RECK: variants seen among roughly 807,000 people sequenced by gnomAD.
The protein encoded by RECK is reversion-inducing cysteine-rich protein with Kazal motifs.
In RECK, 69 loss-of-function variants were observed where a neutral mutation model predicts 115.1. The ratio of observed to expected loss-of-function variants is 0.60; its 90% CI spans 0.49 to 0.73. The LOEUF is 0.73. RECK is among the 30% of genes least tolerant of loss of function. The pLI is 0.00. For missense variants in RECK, 1,047 were observed against 1,203.7 expected, an observed-to-expected ratio of 0.87 and a Z score of 1.93; for synonymous variants, 414 against 419.7, an observed-to-expected ratio of 0.99 and a Z score of 0.17.
At chr9:36,078,434 C>T (rs903192513) in intron 6 of RECK, among the ~76,000 whole-genome samples, 1 of 152,220 alleles carries the variant, frequency 6.6e-6, no homozygotes, top group African/African-American at 2.4e-5. Context: ...TCAGTCTTGG[C>T]ACCACTGGCA....
intron 18 of RECK, 91 bp from the exon 19 acceptor site, chr9:36,120,572 C>A: frequency 9.4e-7 from 1 of 1,061,914 alleles, no homozygotes; most frequent in Non-Finnish European, 1.4e-6. Flanking sequence ...AACTCTCCTG[C>A]CCAAAATGAA....
intron 7 of RECK, among the ~76,000 whole-genome samples, chr9:36,081,599 A>G (rs984665789): frequency 1.3e-5 from 2 of 152,116 alleles, no homozygotes; most frequent in Non-Finnish European, 2.9e-5. Context: ...TTTGCGAGGC[A>G]GAGACAGGTG....
chr9:36,089,438 C>T (rs1823079568), intron 9 of RECK, among the ~76,000 whole-genome samples: 1 of 152,170 alleles, frequency 6.6e-6, no homozygotes, highest in Non-Finnish European at 1.5e-5. Context: ...TTCTTTTACA[C>T]TTAATAAACT....
intron 2 of RECK, among the ~76,000 whole-genome samples, chr9:36,058,437 G>T (rs1375243694): frequency 7.6e-6 from 1 of 131,128 alleles, no homozygotes; most frequent in Non-Finnish European, 1.6e-5. Context: ...TCACTCATAG[G>T]TGGGAATTGA....
intron 2 of RECK, among the ~76,000 whole-genome samples, chr9:36,056,026 A>G (rs940087777): frequency 6.6e-6 from 1 of 151,922 alleles, no homozygotes; most frequent in Non-Finnish European, 1.5e-5. Context: ...GTCTTTTTAT[A>G]ATAGAAAATT....
intron 1 of RECK, among the ~76,000 whole-genome samples, chr9:36,038,731 C>T (rs1820760773): frequency 6.6e-6 from 1 of 151,694 alleles, no homozygotes; most frequent in African/African-American, 2.4e-5. Flanking sequence ...CAGATGGTAC[C>T]CTGTCTTATA....
chr9:36,118,760 T>A lies in RECK; in HGVS notation c.2257T>A (p.Phe753Ile), dbSNP rs149956466. The part of the protein sequence containing the change: ...SLSYKGPCQP[F>I]CRATEPVCGH... ...AATGTGATTTGTTTGCCCTCAGCCC[T>A]TTTGCAGAGCAACCGAGCCCGTATG... Residue 753 changes from phenylalanine (F) to isoleucine (I), a missense_variant, in exon 18 of 21, where the codon TTT becomes ATT. Transcript: ENST00000377966. The A allele has an allele frequency of 1.2e-4, 188 of 1,613,416 alleles. No individual in the cohort carries two copies. Among genetic ancestry groups the A allele is most frequent in the Non-Finnish European group, 1.6e-4 (185 of 1,179,752 alleles).
chr9:36,043,450 T>C (rs1340995867), intron 1 of RECK, among the ~76,000 whole-genome samples: 1 of 152,112 alleles, frequency 6.6e-6, no homozygotes, highest in Non-Finnish European at 1.5e-5. Flanking sequence ...TTGCAAAGAT[T>C]TTCTCCCACT....
chr9:36,067,705 G>C (rs1822063163), intron 6 of RECK, among the ~76,000 whole-genome samples: 1 of 152,110 alleles, frequency 6.6e-6, no homozygotes, highest in Non-Finnish European at 1.5e-5. Flanking sequence ...AGCAGACTTA[G>C]TTTAGAATTC....
Position 36,043,851 on chromosome 9 carries a change from G to A in RECK, c.100+6753G>A, listed in dbSNP as rs547422151. Among the ~76,000 whole-genome samples the A allele has an allele frequency of 6.6e-5, 10 of 152,006 alleles. No homozygotes were observed. In the East Asian group the frequency reaches 1.9e-3, roughly 29 times the overall value. On this transcript the variant is annotated intron_variant, in intron 1 of 20. Coordinates refer to ENST00000377966, the MANE Select transcript of RECK (RefSeq NM_021111.3). ...TGTAAGTATTTTGCTTTATTTCTGG[G>A]TTCTCTATTCTGTTCCTATGTGCCT...
intron 9 of RECK, among the ~76,000 whole-genome samples, chr9:36,090,162 C>T (rs1823108714): frequency 2.0e-5 from 3 of 151,676 alleles, no homozygotes; most frequent in African/African-American, 7.3e-5. Flanking sequence ...TCTCTAAAAA[C>T]AAAACAAAAA....
intron 6 of RECK, among the ~76,000 whole-genome samples, chr9:36,076,746 G>T (rs1822466914): frequency 6.6e-6 from 1 of 152,144 alleles, no homozygotes; most frequent in African/African-American, 2.4e-5. Flanking sequence ...TATTTTTAAG[G>T]AAAATAATAT....
At chr9:36,093,271 A>G (rs1823228025) in intron 10 of RECK, among the ~76,000 whole-genome samples, 1 of 152,246 alleles carries the variant, frequency 6.6e-6, no homozygotes, top group African/African-American at 2.4e-5. Flanking sequence ...CCCACAAAGT[A>G]TCATGCATAA....
chr9:36,108,200 G>C, intron 14 of RECK, 36 bp downstream of exon 14: 1 of 1,473,386 alleles, frequency 6.8e-7, no homozygotes, highest in Non-Finnish European at 9.2e-7. Context: ...TTTAATATGA[G>C]ATTAGTTATT....
At position 36,104,311 on chromosome 9, in the gene RECK, TATATATATATATATA is replaced by T. The variant is rs1330516440; in HGVS notation, c.1436-831_1436-817del. On this transcript the variant is annotated intron_variant, in intron 12 of 20. Transcript: ENST00000377966. ...GTGTGTGTATATATATATATATATA[TATATATATATATATA>T]TTTTTTTTTTTTTTTTTTTTTTTTT... Among the ~76,000 whole-genome samples the T allele has an allele frequency of 2.5e-4, 17 of 69,006 alleles. No homozygotes were observed. In the East Asian group the frequency reaches 3.6e-3, roughly 14 times the overall value. 45.3% of individuals were successfully genotyped at this position (69,006 alleles called of 152,430 possible). A position where few individuals can be genotyped will look rare whatever the true frequency, so the allele number is the denominator to read the frequency against.
At chr9:36,057,802 T>G (rs117181246) in intron 2 of RECK, among the ~76,000 whole-genome samples, 1 of 152,064 alleles carries the variant, frequency 6.6e-6, no homozygotes, top group Non-Finnish European at 1.5e-5. Context: ...GCCTGGGTGA[T>G]AGAATGGGAC....
At chr9:36,070,408 GAAA>G (rs1228225111) in intron 6 of RECK, among the ~76,000 whole-genome samples, 2 of 151,942 alleles carry the variant, frequency 1.3e-5, no homozygotes, top group African/African-American at 4.8e-5. Context: ...TGGAGTGAAT[GAAA>G]GCTCCATAGA....
chr9:36,120,940 C>A (rs549336802), intron 19 of RECK, among the ~76,000 whole-genome samples: 8 of 152,342 alleles, frequency 5.3e-5, no homozygotes, highest in South Asian at 2.1e-4. Flanking sequence ...GTTCCTCCCC[C>A]CTACACCCTG....
chr9:36,121,556 A>T lies in RECK; in HGVS notation c.2562A>T (p.Thr854=). The T allele has an allele frequency of 1.2e-6, 2 of 1,613,946 alleles. No individual in the cohort carries two copies. The highest frequency in any genetic ancestry group is 2.2e-5 in the South Asian group (2 of 91,034). The change falls in exon 20 of 21, where the codon ACA becomes ACT. Residue 854 remains threonine, a synonymous_variant. Coordinates refer to ENST00000377966, the MANE Select transcript of RECK (RefSeq NM_021111.3). ...AGGTAACAAATAAAAAGCCAATAAC[A>T]GTTCTGGAAATACTTCAGAAAATCC... ...IAKVTNKKPI[T]VLEILQKIRM...
Sources: gnomAD v4.1 joint callset for allele counts (sites outside exome capture counted in the v4.1 genomes callset) on GRCh38, gnomAD v4.1.1 for gene constraint, MANE v1.5 for transcripts, NCBI Gene and HGNC (gene_info 2026-07-23, HGNC 2026-07-21) for gene names.